The following TM6SF2 variants were observed in gnomAD, a reference collection of about 807,000 sequenced individuals.
TM6SF2 encodes transmembrane 6 superfamily member 2.
In TM6SF2, 29 loss-of-function variants were observed where a neutral mutation model predicts 41.0. The observed-to-expected ratio is 0.71, with a 90% CI of 0.53 to 0.96. The LOEUF (loss-of-function observed/expected upper bound fraction) is 0.96. TM6SF2 is among the 50% of genes least tolerant of loss of function. The pLI is 0.00. For missense variants in TM6SF2, 475 were observed against 499.0 expected, an observed-to-expected ratio of 0.95 and a Z score of 0.46; for synonymous variants, 200 against 209.1, an observed-to-expected ratio of 0.96 and a Z score of 0.37.
intron 8 of TM6SF2, 55 bp downstream of exon 8, chr19:19,267,566 C>T: frequency 7.2e-7 from 1 of 1,379,866 alleles, no homozygotes; most frequent in Admixed American, 2.0e-5. Context: ...TCAAAGAGGC[C>T]CAGTGGACCC....
chr19:19,271,783 G>A (rs1042694052), intron 1 of TM6SF2, among the ~76,000 whole-genome samples: 11 of 152,178 alleles, frequency 7.2e-5, no homozygotes, highest in Admixed American at 2.0e-4. Context: ...TGCCCACCTC[G>A]GCCTCCCAAA....
Position 19,267,905 on chromosome 19 carries a change from A to T in TM6SF2, c.711+81T>A. 2.5e-6 allele frequency: 3 copies of T among 1,201,250 alleles called. No individual in the cohort carries two copies. In the South Asian group the frequency reaches 3.8e-5, roughly 15 times the overall value. 74.4% of individuals were successfully genotyped at this position (1,201,250 alleles called of 1,614,324 possible). A position where few individuals can be genotyped will look rare whatever the true frequency, so the allele number is the denominator to read the frequency against. ...GAAGAACTTCCTTGGATGATCAAAC[A>T]GGAAGGGCAGTGTGGGAGAGGTGGG... On this transcript the variant is annotated intron_variant, in intron 7 of 9. Transcript: ENST00000389363.
chr19:19,270,585 C>T, intron 2 of TM6SF2, 143 bp from the exon 3 acceptor site: 1 of 1,016,112 alleles, frequency 9.8e-7, no homozygotes, highest in Admixed American at 2.4e-5. Flanking sequence ...CCTGCCCCAA[C>T]CCCAAAGGTT....
At chr19:19,265,411 C>T (rs200962751) in intron 9 of TM6SF2, among the ~76,000 whole-genome samples, 16,848 of 133,648 alleles carry the variant, frequency 0.13, 1,214 homozygotes, top group Middle Eastern at 0.27. Context: ...TCTATCCATC[C>T]ATCCATCTAT....
chr19:19,268,067 C>G lies in TM6SF2; in HGVS notation c.630G>C (p.Lys210Asn). ...GGTCAGCCGGACGCTGCAGGAGTCC[C>G]TTTCTTTGTTCCTCTTGCACCTGGC... ...TANMVQEEQRKGLLQRPADLA... is the reference protein window; with the variant it reads ...TANMVQEEQRNGLLQRPADLA... The change falls in exon 7 of 10, where the codon AAG becomes AAC. Residue 210 changes from lysine (K) to asparagine (N), a missense_variant. Lys to Asn is a moderately conservative substitution (Grantham distance 94, BLOSUM62 0). Transcript: ENST00000389363. 1 of 1,613,820 alleles carries G rather than the reference C, an allele frequency of 6.2e-7. No homozygotes were observed. Among genetic ancestry groups the G allele is most frequent in the African/African-American group, 1.3e-5 (1 of 74,976 alleles).
At position 19,264,709 on chromosome 19, in the gene TM6SF2, C is replaced by G; in HGVS notation, c.1089G>C (p.Gln363His). The change falls in exon 10 of 10, where the codon CAG (glutamine) becomes CAC (histidine). Residue 363 changes from glutamine to histidine, a missense_variant. This residue lies in a region of TM6SF2 where 190 missense variants were observed against 190.2 expected (regional missense o/e 1.00). Coordinates refer to ENST00000389363, the MANE Select transcript of TM6SF2 (RefSeq NM_001001524.3). ...GGGCTAGGGGGTCGGAGGGTGGTGG[C>G]TGGTGGAAGAATGCGGGCCACTGAA... The part of the protein sequence containing the change: ...RCLQWPAFFH[Q>H]PPPSDPLALH... The G allele has an allele frequency of 1.9e-6, 3 of 1,587,184 alleles. No homozygotes were observed. Among genetic ancestry groups the G allele is most frequent in the Non-Finnish European group, 2.6e-6 (3 of 1,166,142 alleles).
At position 19,268,097 on chromosome 19, in the gene TM6SF2, G is replaced by A; in HGVS notation, c.610-10C>T. Reference sequence around the variant, plus strand: ...TTTGTTCCTCTTGCACCTGGCCCAGGGGAGAGAAACAGACAGCATGAGAGG... The same window carrying A: ...TTTGTTCCTCTTGCACCTGGCCCAGAGGAGAGAAACAGACAGCATGAGAGG... On this transcript the variant is annotated splice_polypyrimidine_tract_variant and intron_variant, in intron 6 of 9. Coordinates refer to ENST00000389363, the MANE Select transcript of TM6SF2 (RefSeq NM_001001524.3). The A allele has an allele frequency of 1.2e-6, 2 of 1,608,186 alleles. No homozygotes were observed. The highest frequency in any genetic ancestry group is 2.2e-5 in the East Asian group (1 of 44,846).
rs892478039 is a variant in TM6SF2, at chr19:19,269,745, G to C, written c.426C>G (p.Leu142=). ...CRRKRYRNFG[L]YWLGSFAMSI... Reference sequence around the variant, plus strand: ...TCATGGCGAAGGAACCCAGCCAGTAGAGTCCAAAATTCCGGTATCTCTTCC... The same window carrying C: ...TCATGGCGAAGGAACCCAGCCAGTACAGTCCAAAATTCCGGTATCTCTTCC... The change falls in exon 5 of 10, where the codon CTC becomes CTG. Residue 142 remains leucine, a synonymous_variant. Transcript: ENST00000389363. 2.5e-6 allele frequency: 4 copies of C among 1,614,186 alleles called. No individual in the cohort carries two copies. The highest frequency in any genetic ancestry group is 3.4e-6 in the Non-Finnish European group (4 of 1,180,026).
rs776239655 is a variant in TM6SF2 at position 19,269,713 on chromosome 19, AG to A, written c.457del (p.Leu153TrpfsTer35). Reference sequence around the variant, plus strand: ...AAGAATGTTTCCTGTAAGGAACACCAGGATGCTCATGGCGAAGGAACCCAGC... The same window carrying A: ...AAGAATGTTTCCTGTAAGGAACACCAGATGCTCATGGCGAAGGAACCCAGC... Reference protein sequence around the residue: ...YWLGSFAMSILVFLTGNILGK... With the variant: ...YWLGSFAMSIXVFLTGNILGK... On this transcript the variant is annotated frameshift_variant, in exon 5 of 10. Coordinates refer to ENST00000389363, the MANE Select transcript of TM6SF2 (RefSeq NM_001001524.3). LOFTEE classifies it high-confidence loss of function. The A allele has an allele frequency of 6.2e-7, 1 of 1,614,084 alleles. No individual in the cohort carries two copies. Among genetic ancestry groups the A allele is most frequent in the Non-Finnish European group, 8.5e-7 (1 of 1,180,022 alleles).
Position 19,273,061 on chromosome 19 carries a change from T to TTGCCCC in TM6SF2, c.95+59_95+60insGGGGCA. ...CCTCCCTCCAGCCCACCTCCAGTCC[T>TTGCCCC]CCCCGCCCCCGCCCGCCCCCACTGT... On this transcript the variant is annotated intron_variant, in intron 1 of 9. Coordinates refer to ENST00000389363, the MANE Select transcript of TM6SF2 (RefSeq NM_001001524.3). The TTGCCCC allele has an allele frequency of 1.7e-4, 51 of 305,398 alleles. 1 individual carries two copies. The highest frequency in any genetic ancestry group is 2.6e-4 in the East Asian group (3 of 11,584). The allele number at this position is 305,398 out of a possible 1,614,324, so 18.9% of individuals were successfully genotyped here.
At chr19:19,273,061 T>TTGGG in intron 1 of TM6SF2, 60 bp downstream of exon 1, 1 of 305,470 alleles carries the variant, frequency 3.3e-6, no homozygotes, top group Non-Finnish European at 6.1e-6. Context: ...CCTCCAGTCC[T>TTGGG]CCCCGCCCCC....
Position 19,264,406 on chromosome 19 carries a change from G to T in TM6SF2, c.*258C>A. On this transcript the variant is annotated 3_prime_UTR_variant, in exon 10 of 10. Coordinates refer to ENST00000389363, the MANE Select transcript of TM6SF2 (RefSeq NM_001001524.3). ...GGGTTTTTACTGAAAGGATCCATGG[G>T]GGGATGATGGGTAAGTTCTGGAAGG... The T allele has an allele frequency of 2.9e-6, 1 of 349,432 alleles. No individual in the cohort carries two copies. The highest frequency in any genetic ancestry group is 5.1e-6 in the Non-Finnish European group (1 of 194,316). The allele number at this position is 349,432 out of a possible 1,614,324, so 21.6% of individuals were successfully genotyped here. A position where few individuals can be genotyped will look rare whatever the true frequency, so the allele number is the denominator to read the frequency against.
intron 2 of TM6SF2, 25 bp from the exon 3 acceptor site, chr19:19,270,467 C>A (rs1030058235): frequency 1.3e-6 from 2 of 1,594,504 alleles, no homozygotes; most frequent in African/African-American, 2.7e-5. Context: ...CGGGCCGGGT[C>A]AGGTGTGGGA....
At chr19:19,269,928 TGAGACCC>T (rs2061016848) in intron 4 of TM6SF2, 159 bp from the exon 5 acceptor site, 1 of 1,502,186 alleles carries the variant, frequency 6.7e-7, no homozygotes. Context: ...GAAATAACAG[TGAGACCC>T]TCTGTCCAAG....
chr19:19,265,801 C>T (rs2061001404), intron 9 of TM6SF2, among the ~76,000 whole-genome samples: 1 of 152,150 alleles, frequency 6.6e-6, no homozygotes, highest in Non-Finnish European at 1.5e-5. Flanking sequence ...TCCCCCCCAA[C>T]TTGCCTAACC....
chr19:19,272,070 G>A (rs2061026073), intron 1 of TM6SF2, among the ~76,000 whole-genome samples: 1 of 152,152 alleles, frequency 6.6e-6, no homozygotes, highest in Admixed American at 6.5e-5. Flanking sequence ...AACCTGATAA[G>A]ACAGGTCAAC....
intron 9 of TM6SF2, among the ~76,000 whole-genome samples, chr19:19,265,443 G>A (rs1269841792): frequency 1.3e-5 from 2 of 148,468 alleles, no homozygotes; most frequent in African/African-American, 4.9e-5. Flanking sequence ...TTTAGAGATA[G>A]GGTCTTGCTC....
At chr19:19,272,663 T>C (rs1191672319) in intron 1 of TM6SF2, among the ~76,000 whole-genome samples, 2 of 149,752 alleles carry the variant, frequency 1.3e-5, no homozygotes, top group East Asian at 3.9e-4. Context: ...AAGAGGAAAG[T>C]CACAGGCCTG....
intron 9 of TM6SF2, 60 bp downstream of exon 9, chr19:19,266,430 T>C: frequency 6.2e-7 from 1 of 1,602,084 alleles, no homozygotes; most frequent in Non-Finnish European, 8.5e-7. Flanking sequence ...CCAAAGGCAT[T>C]GATGAGTAGA....
Sources: gnomAD v4.1 joint callset for allele counts (sites outside exome capture counted in the v4.1 genomes callset) on GRCh38, gnomAD v4.1.1 for gene constraint, gnomAD v4.1.1 regional missense constraint, MANE v1.5 for transcripts, NCBI Gene and HGNC (gene_info 2026-07-23, HGNC 2026-07-21) for gene names.